SLC25A48: variants seen among roughly 807,000 people sequenced by gnomAD.
SLC25A48 encodes solute carrier family 25 member 48.
Under a neutral mutation model 32.2 loss-of-function variants are expected in SLC25A48, and 29 were observed. That is an observed-to-expected ratio of 0.90 (90% CI 0.67 to 1.23). The LOEUF is 1.23. Among genes scored for constraint, SLC25A48 ranks in the 50% most tolerant of loss-of-function variants. The pLI is 0.00. For missense variants in SLC25A48, 399 were observed against 422.7 expected, an observed-to-expected ratio of 0.94 and a Z score of 0.49; for synonymous variants, 164 against 172.3, an observed-to-expected ratio of 0.95 and a Z score of 0.38.
chr5:135,631,255 G>A (rs898690794), intron 2 of SLC25A48, among the ~76,000 whole-genome samples: 1 of 152,216 alleles, frequency 6.6e-6, no homozygotes, highest in Non-Finnish European at 1.5e-5. Flanking sequence ...GAAATAGTCT[G>A]TAAGAGGGGC....
intron 7 of SLC25A48, among the ~76,000 whole-genome samples, chr5:135,885,626 C>A (rs967957189): frequency 2.0e-5 from 3 of 152,298 alleles, no homozygotes; most frequent in South Asian, 4.1e-4. Flanking sequence ...CCTGTGCCCC[C>A]CTTCAGAGCC....
chr5:135,834,463 G>T (rs1375339781), upstream of SLC25A48, among the ~76,000 whole-genome samples: 1 of 152,256 alleles, frequency 6.6e-6, no homozygotes, highest in Non-Finnish European at 1.5e-5. Flanking sequence ...ATGGGCGGCT[G>T]GCACTTTCAG....
At chr5:135,838,537 C>G (rs934366527) in intron 1 of SLC25A48, among the ~76,000 whole-genome samples, 1 of 152,210 alleles carries the variant, frequency 6.6e-6, no homozygotes, top group African/African-American at 2.4e-5. Context: ...GACAGCCCCT[C>G]CCATCACAGA....
intron 3 of SLC25A48, among the ~76,000 whole-genome samples, chr5:135,749,580 A>AT (rs199732901): frequency 3.1e-4 from 47 of 149,946 alleles, no homozygotes; most frequent in East Asian, 2.5e-3. Context: ...TTTTATTGTT[A>AT]TTTTTTTTTG....
intron 3 of SLC25A48, among the ~76,000 whole-genome samples, chr5:135,733,176 G>C (rs182495741): frequency 2.7e-4 from 41 of 152,282 alleles, no homozygotes; most frequent in Admixed American, 2.0e-3. Flanking sequence ...GTAATGGAGG[G>C]GGGCAGAGCA....
Position 135,836,202 on chromosome 5 carries a change from T to C in SLC25A48, c.46+1309T>C, listed in dbSNP as rs117475980. On this transcript the variant is annotated intron_variant, in intron 1 of 7. Transcript: ENST00000681962. ...AGTCAGAGTAGTTCCAAGACTCTGA[T>C]ACCCCTCCCCATCCCCAAACGTGAT... Among the ~76,000 whole-genome samples the C allele has an allele frequency of 3.9e-4, 60 of 152,290 alleles. 1 individual carries two copies. In the East Asian group the frequency reaches 0.01, roughly 25 times the overall value.
At chr5:135,844,893 T>C (rs575845127) in intron 2 of SLC25A48, among the ~76,000 whole-genome samples, 3 of 152,294 alleles carry the variant, frequency 2.0e-5, no homozygotes, top group South Asian at 4.1e-4. Context: ...AGGCCTAGCA[T>C]CTCGGCAAGG....
chr5:135,787,880 G>A (rs1756890634), intron 3 of SLC25A48, among the ~76,000 whole-genome samples: 1 of 151,762 alleles, frequency 6.6e-6, no homozygotes, highest in South Asian at 2.1e-4. Context: ...CACAAAGGGT[G>A]TACACCTTGT....
At chr5:135,679,434 T>C (rs1753842120) in intron 3 of SLC25A48, among the ~76,000 whole-genome samples, 1 of 152,006 alleles carries the variant, frequency 6.6e-6, no homozygotes, top group African/African-American at 2.4e-5. Flanking sequence ...GCTTGGGCGG[T>C]GGTGGTAGCA....
In SLC25A48 at chr5:135,742,083, A is replaced by G. The variant is rs192867436; in HGVS notation, c.-520-70440A>G. ...TCAGTTTTTTTAATTATTTTTGTTT[A>G]TTTATTTATTTTGTATTTGAGAGTC... On this transcript the variant is annotated intron_variant, in intron 3 of 10. Transcript: ENST00000646290. Among the ~76,000 whole-genome samples, 29 of 152,062 alleles carry G rather than the reference A, an allele frequency of 1.9e-4. 1 individual carries two copies. The highest frequency in any genetic ancestry group is 1.2e-3 in the East Asian group (6 of 5,174).
chr5:135,579,832 C>T (rs1469649925), intron 1 of SLC25A48, among the ~76,000 whole-genome samples: 1 of 152,182 alleles, frequency 6.6e-6, no homozygotes, highest in Non-Finnish European at 1.5e-5. Context: ...ATGTTCTAGA[C>T]ATTGTGCCAG....
At chr5:135,781,167 G>A (rs1419011862) in intron 3 of SLC25A48, among the ~76,000 whole-genome samples, 1 of 115,944 alleles carries the variant, frequency 8.6e-6, no homozygotes. Context: ...TATTCAGTGG[G>A]GAAGAGGATG....
At chr5:135,582,657 C>T (rs1297245762) in intron 1 of SLC25A48, among the ~76,000 whole-genome samples, 2 of 152,158 alleles carry the variant, frequency 1.3e-5, no homozygotes, top group Admixed American at 1.3e-4. Flanking sequence ...GCAGTGCGCA[C>T]CCAATCATGA....
At chr5:135,589,441 C>A (rs1751456115) in intron 1 of SLC25A48, among the ~76,000 whole-genome samples, 1 of 152,156 alleles carries the variant, frequency 6.6e-6, no homozygotes, top group Admixed American at 6.5e-5. Context: ...TGGGCTCAGT[C>A]CTGTAGGGGC....
chr5:135,713,107 C>T (rs938948498), intron 3 of SLC25A48, among the ~76,000 whole-genome samples: 2 of 152,188 alleles, frequency 1.3e-5, no homozygotes, highest in African/African-American at 4.8e-5. Flanking sequence ...ATATGTTCCC[C>T]AGGCCAGTAG....
chr5:135,584,439 G>A (rs564734282), intron 1 of SLC25A48, among the ~76,000 whole-genome samples: 7 of 152,162 alleles, frequency 4.6e-5, no homozygotes, highest in Non-Finnish European at 7.4e-5. Flanking sequence ...GCAGGATCAC[G>A]GCATTTTGGT....
At chr5:135,691,317 G>C (rs1249697126) in intron 3 of SLC25A48, among the ~76,000 whole-genome samples, 1 of 152,232 alleles carries the variant, frequency 6.6e-6, no homozygotes, top group African/African-American at 2.4e-5. Flanking sequence ...GAGGAGGAGG[G>C]CTTCTTGCTC....
intron 3 of SLC25A48, among the ~76,000 whole-genome samples, chr5:135,746,037 C>G (rs1021991921): frequency 7.9e-5 from 12 of 152,176 alleles, no homozygotes; most frequent in African/African-American, 2.7e-4. Flanking sequence ...TTGCTCTCGC[C>G]TTCTACAGTC....
At chr5:135,880,524 C>A (rs1224223462) in intron 7 of SLC25A48, among the ~76,000 whole-genome samples, 2 of 152,142 alleles carry the variant, frequency 1.3e-5, no homozygotes, top group Non-Finnish European at 2.9e-5. Flanking sequence ...TGAGAGCCAC[C>A]CACAGGCTGC....
Sources: gnomAD v4.1 joint callset for allele counts (sites outside exome capture counted in the v4.1 genomes callset) on GRCh38, gnomAD v4.1.1 for gene constraint, MANE v1.5 for transcripts, NCBI Gene and HGNC (gene_info 2026-07-23, HGNC 2026-07-21) for gene names.